Variants in RALA observed in about 807,000 individuals in gnomAD.
RALA encodes ras-related protein Ral-A.
Under a neutral mutation model 24.0 loss-of-function variants are expected in RALA, and 5 were observed. The observed-to-expected ratio is 0.21, with a 90% CI of 0.11 to 0.44. RALA has a LOEUF of 0.44. RALA is among the 20% of genes least tolerant of loss of function. RALA has a pLI of 0.99. For missense variants in RALA, 95 were observed against 241.2 expected (o/e 0.39, Z 4.01); for synonymous variants, 77 against 83.8 (o/e 0.92, Z 0.44).
chr7:39,696,190 C>A (rs1328813071), intron 3 of RALA, among the ~76,000 whole-genome samples: 1 of 152,174 alleles, frequency 6.6e-6, no homozygotes, highest in Admixed American at 6.5e-5. Context: ...TAATTTCTGG[C>A]ACATTTGGGT....
chr7:39,668,747 A>C (rs1792327539), intron 1 of RALA, among the ~76,000 whole-genome samples: 1 of 149,624 alleles, frequency 6.7e-6, no homozygotes, highest in Non-Finnish European at 1.5e-5. Flanking sequence ...TGGTGAGCCG[A>C]GATCGCACCA....
intron 1 of RALA, among the ~76,000 whole-genome samples, chr7:39,633,895 T>C (rs954719118): frequency 1.3e-5 from 2 of 152,242 alleles, no homozygotes; most frequent in Non-Finnish European, 2.9e-5. Context: ...TCCCAAGTTC[T>C]GGAGAGTGTT....
chr7:39,679,641 TC>T (rs1792551475), intron 1 of RALA, among the ~76,000 whole-genome samples: 1 of 152,162 alleles, frequency 6.6e-6, no homozygotes, highest in Non-Finnish European at 1.5e-5. Context: ...AGAAATCATC[TC>T]TTATCTGTAA....
chr7:39,698,693 G>GA (rs1274075561), intron 4 of RALA, among the ~76,000 whole-genome samples: 2 of 152,164 alleles, frequency 1.3e-5, no homozygotes, highest in African/African-American at 4.8e-5. Context: ...GGGGAGTGGG[G>GA]AAGAGATGCA....
intron 4 of RALA, 45 bp from the exon 5 acceptor site, chr7:39,706,078 T>TTG: frequency 6.5e-7 from 1 of 1,528,324 alleles, no homozygotes; most frequent in East Asian, 2.3e-5. Flanking sequence ...AGTACCAAGT[T>TTG]CATGTATCTG....
intron 1 of RALA, among the ~76,000 whole-genome samples, chr7:39,659,566 A>C (rs1006322412): frequency 1.2e-4 from 19 of 152,314 alleles, no homozygotes; most frequent in Middle Eastern, 3.4e-3. Flanking sequence ...CTTACCCTAC[A>C]TGATTCGTAA....
chr7:39,690,280 C>G, intron 2 of RALA, 102 bp from the exon 3 acceptor site: 3 of 954,912 alleles, frequency 3.1e-6, no homozygotes, highest in Non-Finnish European at 4.6e-6. Context: ...ATACAGAACT[C>G]TTCTTGTACT....
At chr7:39,626,807 C>T (rs139781077) in intron 1 of RALA, among the ~76,000 whole-genome samples, 154 of 152,148 alleles carry the variant, frequency 1.0e-3, no homozygotes, top group African/African-American at 3.5e-3. Flanking sequence ...TTCGTTCTTT[C>T]ACTAATGGAA....
At chr7:39,703,631 T>C (rs1793067050) in intron 4 of RALA, among the ~76,000 whole-genome samples, 1 of 152,230 alleles carries the variant, frequency 6.6e-6, no homozygotes, top group Non-Finnish European at 1.5e-5. Context: ...CTTGTTGCTA[T>C]TGTGTTGTCA....
chr7:39,639,040 G>GT (rs572236545), intron 1 of RALA, among the ~76,000 whole-genome samples: 59 of 152,334 alleles, frequency 3.9e-4, no homozygotes, highest in African/African-American at 1.2e-3. Flanking sequence ...TTGTTACACA[G>GT]TAAGTCCTCA....
chr7:39,660,064 G>A (rs1583724182), intron 1 of RALA, among the ~76,000 whole-genome samples: 1 of 152,080 alleles, frequency 6.6e-6, no homozygotes, highest in African/African-American at 2.4e-5. Flanking sequence ...AACAATTTAA[G>A]GCCAGGCACA....
chr7:39,682,125 TA>T (rs1792614623), intron 1 of RALA, among the ~76,000 whole-genome samples: 2 of 152,192 alleles, frequency 1.3e-5, no homozygotes, highest in Admixed American at 1.3e-4. Flanking sequence ...CCTCATCTGT[TA>T]AATGAAGTTA....
chr7:39,677,117 G>A (rs1792500327), intron 1 of RALA, among the ~76,000 whole-genome samples: 1 of 152,250 alleles, frequency 6.6e-6, no homozygotes, highest in African/African-American at 2.4e-5. Context: ...CAGAAGCAGA[G>A]TGGTGCTTCT....
At chr7:39,648,855 T>A (rs974513528) in intron 1 of RALA, among the ~76,000 whole-genome samples, 1 of 151,598 alleles carries the variant, frequency 6.6e-6, no homozygotes, top group Admixed American at 6.6e-5. Flanking sequence ...AGCCCAAGAG[T>A]TTGAGACAGT....
At chr7:39,674,041 GTAAATAAA>G (rs72097023) in intron 1 of RALA, among the ~76,000 whole-genome samples, 17 of 48,916 alleles carry the variant, frequency 3.5e-4, no homozygotes, top group Middle Eastern at 9.8e-3. Flanking sequence ...GGCATGCACT[GTAAATAAA>G]TAAATAAATA....
intron 4 of RALA, among the ~76,000 whole-genome samples, chr7:39,697,946 C>T (rs1792950446): frequency 1.1e-5 from 1 of 87,842 alleles, no homozygotes; most frequent in Non-Finnish European, 2.3e-5. Flanking sequence ...AGGACTAGGG[C>T]AAGTGTGTGT....
chr7:39,695,217 T>C (rs1456709989), intron 3 of RALA, among the ~76,000 whole-genome samples: 1 of 152,168 alleles, frequency 6.6e-6, no homozygotes, highest in Non-Finnish European at 1.5e-5. Context: ...TCCTTATGGA[T>C]ACCGACATTC....
intron 4 of RALA, among the ~76,000 whole-genome samples, chr7:39,705,395 A>G (rs1253146477): frequency 6.6e-6 from 1 of 152,316 alleles, no homozygotes; most frequent in African/African-American, 2.4e-5. Flanking sequence ...TCCTTTTATC[A>G]TATACTCTCA....
At chr7:39,697,971 G>GTGTGTA (rs147264246) in intron 4 of RALA, among the ~76,000 whole-genome samples, 10,208 of 149,222 alleles carry the variant, frequency 0.068, 410 homozygotes, top group South Asian at 0.093. Flanking sequence ...GTGTGTGTGT[G>GTGTGTA]TGTATGTGTG....
Sources: gnomAD v4.1 joint callset for allele counts (sites outside exome capture counted in the v4.1 genomes callset) on GRCh38, gnomAD v4.1.1 for gene constraint, MANE v1.5 for transcripts, NCBI Gene and HGNC (gene_info 2026-07-23, HGNC 2026-07-21) for gene names.